UBE2L3: variants seen among roughly 807,000 people sequenced by gnomAD.
UBE2L3 encodes ubiquitin conjugating enzyme E2 L3.
In UBE2L3, 1 loss-of-function variant was observed where a neutral mutation model predicts 17.8. The ratio of observed to expected loss-of-function variants is 0.06; its 90% confidence interval spans 0.02 to 0.27. UBE2L3 has a LOEUF of 0.27. UBE2L3 is among the 10% of genes least tolerant of loss of function. The pLI is 1.00. For missense variants in UBE2L3, 40 were observed against 192.6 expected, an observed-to-expected ratio of 0.21 and a Z score of 4.69; for synonymous variants, 44 against 68.5, an observed-to-expected ratio of 0.64 and a Z score of 1.76.
chr22:21,566,633 C>G (rs1926651819), upstream of UBE2L3, among the ~76,000 whole-genome samples: 1 of 151,826 alleles, frequency 6.6e-6, no homozygotes, highest in South Asian at 2.1e-4. Context: ...TCATATCTAT[C>G]AAAGACCTCT....
chr22:21,603,252 G>C (rs1221202631), intron 2 of UBE2L3, among the ~76,000 whole-genome samples: 2 of 152,122 alleles, frequency 1.3e-5, no homozygotes, highest in Non-Finnish European at 2.9e-5. Flanking sequence ...AGTGGGCCGG[G>C]TGCGGTGGCT....
intron 1 of UBE2L3, among the ~76,000 whole-genome samples, chr22:21,558,560 G>A (rs1241558870): frequency 1.3e-5 from 2 of 151,836 alleles, no homozygotes; most frequent in Admixed American, 1.3e-4. Context: ...GAACCCGGGA[G>A]GCAGAGCTTG....
intron 1 of UBE2L3, among the ~76,000 whole-genome samples, chr22:21,580,739 G>T (rs930558568): frequency 6.6e-6 from 1 of 151,858 alleles, no homozygotes; most frequent in African/African-American, 2.4e-5. Context: ...GTGAGCCATT[G>T]TACCGGACTT....
rs73400451 is a variant in UBE2L3, at chr22:21,608,314, A to G, written c.124-2543A>G. ...GCCCAAAATGGAGTGCAGAAGCGTG[A>G]TCACAGCTCATTGCATTCTCAAACT... On this transcript the variant is annotated intron_variant, in intron 2 of 3. Transcript: ENST00000342192. 6.5e-3 allele frequency among the ~76,000 whole-genome samples: 987 copies of G among 152,310 alleles called. 10 individuals carry two copies. Among genetic ancestry groups the G allele is most frequent in the African/African-American group, 0.022 (932 of 41,576 alleles).
chr22:21,615,717 C>T (rs965521906), intron 3 of UBE2L3, among the ~76,000 whole-genome samples: 13 of 152,212 alleles, frequency 8.5e-5, no homozygotes, highest in African/African-American at 2.2e-4. Context: ...AATCAATACT[C>T]TCGGCACTCG....
At chr22:21,609,151 C>T (rs1203840657) in intron 2 of UBE2L3, among the ~76,000 whole-genome samples, 5 of 152,090 alleles carry the variant, frequency 3.3e-5, no homozygotes, top group African/African-American at 4.8e-5. Flanking sequence ...CCTGCCTTGG[C>T]CTCCCAAAGT....
intron 2 of UBE2L3, among the ~76,000 whole-genome samples, chr22:21,597,897 C>T (rs1928629687): frequency 6.8e-6 from 1 of 147,396 alleles, no homozygotes; most frequent in African/African-American, 2.5e-5. Flanking sequence ...TCAAGCGATC[C>T]TCCCACCTCA....
At chr22:21,557,428 A>G (rs1482674280) in intron 1 of UBE2L3, among the ~76,000 whole-genome samples, 1 of 152,274 alleles carries the variant, frequency 6.6e-6, no homozygotes, top group Non-Finnish European at 1.5e-5. Flanking sequence ...ATAAATAAAA[A>G]TAAATTAAAC....
chr22:21,588,466 T>TC (rs1182143207), intron 1 of UBE2L3, among the ~76,000 whole-genome samples: 2 of 140,542 alleles, frequency 1.4e-5, no homozygotes, highest in Non-Finnish European at 3.1e-5. Flanking sequence ...CTTCTTTCTT[T>TC]TTTTTTTTTT....
rs1178845974 is a variant in UBE2L3 at position 21,551,866 on chromosome 22, A to AAC, written c.201+2238_201+2239dup. The stretch of plus-strand genomic sequence containing the variant: ...TGGAGGCATCCTGAGCTGCAGAAGA[A>AAC]ACACACACACACACACACACACAGC... On this transcript the variant is annotated intron_variant, in intron 1 of 3. Transcript: ENST00000458578. Among the ~76,000 whole-genome samples the AAC allele has an allele frequency of 8.0e-3, 29 of 3,620 alleles. 5 individuals carry two copies. Among genetic ancestry groups the AAC allele is most frequent in the East Asian group, 0.056 (19 of 342 alleles). 2.4% of individuals were successfully genotyped at this position (3,620 alleles called of 152,430 possible).
chr22:21,578,962 A>T (rs922986483), intron 1 of UBE2L3, among the ~76,000 whole-genome samples: 1 of 147,978 alleles, frequency 6.8e-6, no homozygotes, highest in African/African-American at 2.5e-5. Context: ...AGCTAAGTGT[A>T]TTATTTATTT....
At chr22:21,596,595 G>A (rs1928538329) in intron 2 of UBE2L3, among the ~76,000 whole-genome samples, 2 of 152,018 alleles carry the variant, frequency 1.3e-5, no homozygotes, top group African/African-American at 2.4e-5. Context: ...GGGGAGTGCA[G>A]TTATGCGATC....
At chr22:21,618,608 C>A (rs934627151) in intron 3 of UBE2L3, among the ~76,000 whole-genome samples, 1 of 148,288 alleles carries the variant, frequency 6.7e-6, no homozygotes, top group Non-Finnish European at 1.5e-5. Flanking sequence ...TTTTTTTTTG[C>A]GATAGGGTCT....
intron 2 of UBE2L3, among the ~76,000 whole-genome samples, chr22:21,597,017 T>TG (rs1200048778): frequency 6.6e-6 from 1 of 152,048 alleles, no homozygotes; most frequent in Non-Finnish European, 1.5e-5. Context: ...CTCACTCTGT[T>TG]GCCCAGGCCA....
intron 1 of UBE2L3, among the ~76,000 whole-genome samples, chr22:21,573,742 A>G (rs1381042789): frequency 2.0e-5 from 3 of 152,132 alleles, no homozygotes; most frequent in Non-Finnish European, 2.9e-5. Context: ...CCCAGAGACC[A>G]TCTGCCTACT....
intron 1 of UBE2L3, among the ~76,000 whole-genome samples, chr22:21,572,001 T>C (rs1413347906): frequency 6.6e-6 from 1 of 152,204 alleles, no homozygotes; most frequent in Non-Finnish European, 1.5e-5. Flanking sequence ...CGTCTTTTTT[T>C]CTAAATTCAT....
chr22:21,612,829 G>T (rs933544263), intron 3 of UBE2L3, among the ~76,000 whole-genome samples: 1 of 151,146 alleles, frequency 6.6e-6, no homozygotes, highest in African/African-American at 2.4e-5. Context: ...TAGAGACGGG[G>T]TTTCACCACG....
rs1327519184 is a variant in UBE2L3, at chr22:21,615,562, A to AG, written c.310+4519_310+4520insG. 7.2e-5 allele frequency among the ~76,000 whole-genome samples: 11 copies of AG among 152,164 alleles called. No individual in the cohort carries two copies. In the East Asian group the frequency reaches 2.1e-3, roughly 29 times the overall value. On this transcript the variant is annotated intron_variant, in intron 3 of 3. Coordinates refer to ENST00000342192, the MANE Select transcript of UBE2L3 (RefSeq NM_003347.4). ...AGAGCAAGACTCCGTCTCAAAAAAA[A>AG]AAAAAAAGAAAGAAAATATGCTAAA...
chr22:21,574,709 G>A (rs1180921042), intron 1 of UBE2L3, among the ~76,000 whole-genome samples: 1 of 152,182 alleles, frequency 6.6e-6, no homozygotes, highest in East Asian at 1.9e-4. Context: ...GCTCATGCCT[G>A]TAATCCTAGC....
Sources: gnomAD v4.1 joint callset for allele counts (sites outside exome capture counted in the v4.1 genomes callset) on GRCh38, gnomAD v4.1.1 for gene constraint, MANE v1.5 for transcripts, NCBI Gene and HGNC (gene_info 2026-07-23, HGNC 2026-07-21) for gene names.